FLT4: variants seen among roughly 807,000 people sequenced by gnomAD.
The protein encoded by FLT4 is vascular endothelial growth factor receptor 3.
FLT4 carries 30 observed loss-of-function variants against 163.2 expected under a neutral mutation model. That is an observed-to-expected ratio of 0.18 (90% CI 0.14 to 0.25). The LOEUF (loss-of-function observed/expected upper bound fraction) is 0.25, where lower values mean the gene tolerates loss of function less well. Ranked by LOEUF, FLT4 falls within the 10% of genes least tolerant of loss-of-function variation. The pLI, the probability that FLT4 is intolerant of heterozygous loss-of-function variation, is 1.00. For missense variants in FLT4, 1,510 were observed against 1,863.8 expected, an observed-to-expected ratio of 0.81 and a Z score of 3.50; for synonymous variants, 884 against 789.5, an observed-to-expected ratio of 1.12 and a Z score of -2.01.
At chr5:180,608,854 G>A in intron 29 of FLT4, 114 bp downstream of exon 29, 2 of 916,106 alleles carry the variant, frequency 2.2e-6, no homozygotes, top group Non-Finnish European at 3.6e-6. Context: ...AAAGGCCATA[G>A]GGAGCCACGA....
intron 8 of FLT4, among the ~76,000 whole-genome samples, chr5:180,627,926 A>G (rs1763764849): frequency 6.6e-6 from 1 of 152,078 alleles, no homozygotes; most frequent in Non-Finnish European, 1.5e-5. Flanking sequence ...CCTCAGTGGG[A>G]GGGTCACACT....
At chr5:180,649,385 CG>C (rs1401623004) in intron 1 of FLT4, 102 bp downstream of exon 1, 1 of 859,072 alleles carries the variant, frequency 1.2e-6, no homozygotes, top group Non-Finnish European at 1.6e-6. Context: ...CCGTGTCCCC[CG>C]CCCGTACCCG....
rs1022965411 is a variant in FLT4, at chr5:180,640,621, G to GT, written c.59-8844dup. Reference sequence around the variant, plus strand: ...CAAAGCCCTTTAAGCTAATGATGCCGTTTTTTTCAAAAGCTTCTTTCCTGA... The same window carrying GT: ...CAAAGCCCTTTAAGCTAATGATGCCGTTTTTTTTCAAAAGCTTCTTTCCTGA... On this transcript the variant is annotated intron_variant, in intron 1 of 29. Coordinates refer to ENST00000261937, the MANE Select transcript of FLT4 (RefSeq NM_182925.5). Among the ~76,000 whole-genome samples, 7 of 152,238 alleles carry GT rather than the reference G, an allele frequency of 4.6e-5. No individual in the cohort carries two copies. In the East Asian group the frequency reaches 7.7e-4, roughly 17 times the overall value.
In FLT4 at chr5:180,631,249, G is replaced by A. The variant is rs563004979; in HGVS notation, c.155+433C>T. Among the ~76,000 whole-genome samples the A allele has an allele frequency of 5.6e-3, 854 of 152,064 alleles. 10 individuals are homozygous for A. Among genetic ancestry groups the A allele is most frequent in the African/African-American group, 0.02 (815 of 41,514 alleles). On this transcript the variant is annotated intron_variant, in intron 2 of 29. Transcript: ENST00000261937. ...AGCACTTTGGGAGGCTGAGGTGGGT[G>A]GGTTACGAGGTCAGGAGATCAAGAC...
At position 180,631,951 on chromosome 5, in the gene FLT4, C is replaced by G. The variant is rs545100122; in HGVS notation, c.59-173G>C. ...TCACCATGTGCGCCGTGAGCAGCACCAGCTCCCAGGCGCCAAGACAGCCAC... is the reference window on the plus strand; with the variant it reads ...TCACCATGTGCGCCGTGAGCAGCACGAGCTCCCAGGCGCCAAGACAGCCAC... On this transcript the variant is annotated intron_variant, in intron 1 of 29. Transcript: ENST00000261937. Among the ~76,000 whole-genome samples, 49 of 152,180 alleles carry G rather than the reference C, an allele frequency of 3.2e-4. 1 individual carries two copies. The East Asian group carries it at 9.1e-3, about 28-fold the overall frequency.
chr5:180,644,161 TC>T (rs1765347033), intron 1 of FLT4, among the ~76,000 whole-genome samples: 2 of 152,214 alleles, frequency 1.3e-5, no homozygotes, highest in South Asian at 4.1e-4. Context: ...GTGTGTCTTT[TC>T]GTCGTGGCAT....
chr5:180,619,426 C>CAG (rs70973949), intron 18 of FLT4, 60 bp from the exon 19 acceptor site: 1 of 1,390,154 alleles, frequency 7.2e-7, no homozygotes, highest in Admixed American at 1.7e-5. Context: ...TTCCCCGCCA[C>CAG]CCGGCGCTTT....
chr5:180,608,985 T>A lies in FLT4; in HGVS notation c.3876A>T (p.Arg1292Ser). Residue 1292 changes from arginine to serine, a missense_variant, in exon 29 of 30, where the codon AGA becomes AGT. By Grantham distance (110) the Arg-to-Ser change is moderately radical (BLOSUM62 -1). This residue lies in a region of FLT4 where 295 missense variants were observed against 311.0 expected (regional missense o/e 0.95). Transcript: ENST00000261937. ...GCCCTTACCTGAAGCCGCTTTCTTG[T>A]CTATGCCTGCTCTCTATCTGCTCAA... ...EEFEQIESRHRQESGFSCKGP... is the reference protein window; with the variant it reads ...EEFEQIESRHSQESGFSCKGP... 3 of 1,614,108 alleles carry A rather than the reference T, an allele frequency of 1.9e-6. No homozygotes were observed. The highest frequency in any genetic ancestry group is 2.5e-6 in the Non-Finnish European group (3 of 1,179,960).
chr5:180,613,984 C>G, intron 24 of FLT4, 84 bp downstream of exon 24: 1 of 955,138 alleles, frequency 1.0e-6, no homozygotes. Flanking sequence ...GGTGCCCAGT[C>G]CCTTACTCCA....
intron 2 of FLT4, among the ~76,000 whole-genome samples, chr5:180,631,021 T>A (rs1764081193): frequency 6.6e-6 from 1 of 151,538 alleles, no homozygotes; most frequent in South Asian, 2.1e-4. Flanking sequence ...AGCACAGGCC[T>A]TGGATCACAG....
chr5:180,610,397 A>G (rs145868900), intron 27 of FLT4, among the ~76,000 whole-genome samples: 5 of 152,330 alleles, frequency 3.3e-5, no homozygotes, highest in Admixed American at 1.3e-4. Flanking sequence ...TGGGTGCACT[A>G]AGGCACACGT....
chr5:180,644,031 A>T lies in FLT4; in HGVS notation c.58+5457T>A, dbSNP rs931440382. Reference sequence around the variant, plus strand: ...GAGATGGGGTTTCACCGTGTTGGCCAGGCTCTCAAACTCTTAACCTTGTGA... The same window carrying T: ...GAGATGGGGTTTCACCGTGTTGGCCTGGCTCTCAAACTCTTAACCTTGTGA... On this transcript the variant is annotated intron_variant, in intron 1 of 29. Coordinates refer to ENST00000261937, the MANE Select transcript of FLT4 (RefSeq NM_182925.5). Among the ~76,000 whole-genome samples the T allele has an allele frequency of 1.2e-3, 183 of 152,172 alleles. 1 individual carries two copies. Among genetic ancestry groups the T allele is most frequent in the Non-Finnish European group, 1.6e-4 (11 of 68,036 alleles).
At chr5:180,603,483 AG>A (rs1369400839) in intron 29 of FLT4, 93 bp from the exon 30 acceptor site, 2 of 1,172,946 alleles carry the variant, frequency 1.7e-6, no homozygotes, top group Admixed American at 2.0e-5. Flanking sequence ...AGGCCTAGGC[AG>A]GCGGATGGCT....
rs756766439 is a variant in FLT4 at position 180,612,628 on chromosome 5, G to C, written c.3432-17C>G. Reference sequence around the variant, plus strand: ...ATGCGGCGTCTGCAGGATCACGTGGGCTGCTGGACTGCATGCACCCCACCC... The same window carrying C: ...ATGCGGCGTCTGCAGGATCACGTGGCCTGCTGGACTGCATGCACCCCACCC... On this transcript the variant is annotated splice_polypyrimidine_tract_variant and intron_variant, in intron 25 of 29. Coordinates refer to ENST00000261937, the MANE Select transcript of FLT4 (RefSeq NM_182925.5). The C allele has an allele frequency of 6.3e-7, 1 of 1,590,740 alleles. No individual in the cohort carries two copies. Among genetic ancestry groups the C allele is most frequent in the Non-Finnish European group, 8.6e-7 (1 of 1,158,622 alleles).
At chr5:180,609,172 C>G in intron 28 of FLT4, 119 bp from the exon 29 acceptor site, 1 of 799,128 alleles carries the variant, frequency 1.3e-6, no homozygotes, top group Non-Finnish European at 2.2e-6. Context: ...ACACCTGTCC[C>G]TGGGAAGCTG....
chr5:180,632,142 C>T (rs1764225638), intron 1 of FLT4, among the ~76,000 whole-genome samples: 1 of 152,170 alleles, frequency 6.6e-6, no homozygotes, highest in Non-Finnish European at 1.5e-5. Context: ...ACGGCCCCTG[C>T]AGTGCTGCTG....
At chr5:180,610,325 G>A (rs561258139) in intron 27 of FLT4, among the ~76,000 whole-genome samples, 298 of 152,352 alleles carry the variant, frequency 2.0e-3, no homozygotes, top group African/African-American at 6.9e-3. Flanking sequence ...CCCGGGGATG[G>A]GCTACCCTGG....
intron 23 of FLT4, among the ~76,000 whole-genome samples, 177 bp downstream of exon 23, chr5:180,616,190 G>A (rs1259483305): frequency 6.6e-6 from 1 of 152,196 alleles, no homozygotes; most frequent in Non-Finnish European, 1.5e-5. Flanking sequence ...AAGGTGGGGG[G>A]TGGTCAGTAG....
rs1763960046 is a variant in FLT4 at position 180,629,966 on chromosome 5, T to C, written c.653A>G (p.Asn218Ser). The change falls in exon 5 of 30, where the codon AAC becomes AGC. Residue 218 changes from asparagine (N) to serine (S), a missense_variant. Around this residue, in one of 5 missense-constraint regions of FLT4, gnomAD observed 163 missense variants for 281.1 expected, o/e 0.58. Transcript: ENST00000261937. ...TTWGDQDFLS[N>S]PFLVHITGNE... is the part of the protein sequence containing the mutation. ...ACCTGTGATGTGCACCAGGAAGGGG[T>C]TGGAAAGGAAGTCCTGGTCTCCCCA... The C allele has an allele frequency of 4.3e-6, 7 of 1,612,534 alleles. No individual in the cohort carries two copies. Among genetic ancestry groups the C allele is most frequent in the South Asian group, 1.1e-5 (1 of 91,054 alleles).
Sources: allele counts gnomAD v4.1 joint callset (sites outside exome capture counted in the v4.1 genomes callset), GRCh38; gene constraint gnomAD v4.1.1; regional missense constraint gnomAD v4.1.1; transcripts MANE v1.5; gene names NCBI Gene and HGNC (gene_info 2026-07-23, HGNC 2026-07-21).